GSTA1: variants seen among roughly 807,000 people sequenced by gnomAD.
GSTA1 encodes the protein glutathione S-transferase A1.
A neutral mutation model predicts 21.5 loss-of-function variants in GSTA1; 23 were observed. The observed-to-expected ratio is 1.07, with a 90% CI of 0.77 to 1.52. GSTA1 has a LOEUF of 1.52. Among genes scored for constraint, GSTA1 ranks in the 40% most tolerant of loss-of-function variants. The probability of loss-of-function intolerance (pLI) is 0.00; values close to 1 mark genes in which losing one functional copy is unlikely to be tolerated. For missense variants in GSTA1, 301 were observed against 264.2 expected (o/e 1.14, Z -0.96); for synonymous variants, 125 against 90.0 (o/e 1.39, Z -2.20).
chr6:52,799,040 C>T, intron 2 of GSTA1, 141 bp downstream of exon 2: 1 of 774,044 alleles, frequency 1.3e-6, no homozygotes, highest in East Asian at 2.6e-5. Context: ...TAGGTCAAAT[C>T]TGTTCATCTT....
chr6:52,794,364 A>G, intron 4 of GSTA1, 98 bp from the exon 5 acceptor site: 1 of 1,205,246 alleles, frequency 8.3e-7, no homozygotes, highest in South Asian at 1.5e-5. Context: ...TGATGGCAAA[A>G]TAATTCACCT....
chr6:52,794,318 T>C (rs576640043), intron 4 of GSTA1, 52 bp from the exon 5 acceptor site: 12 of 1,561,398 alleles, frequency 7.7e-6, no homozygotes, highest in South Asian at 2.4e-5. Context: ...TTAGATTTTA[T>C]AGGTTTATAA....
intron 6 of GSTA1, 63 bp from the exon 7 acceptor site, chr6:52,792,043 C>T: frequency 6.2e-7 from 1 of 1,602,040 alleles, no homozygotes; most frequent in Non-Finnish European, 8.5e-7. Flanking sequence ...TTAACATGAC[C>T]CAGGGAATCT....
intron 1 of GSTA1, among the ~76,000 whole-genome samples, chr6:52,799,521 C>T (rs1306566653): frequency 2.6e-5 from 4 of 152,114 alleles, no homozygotes; most frequent in African/African-American, 9.7e-5. Flanking sequence ...CTAACTGTGA[C>T]TTTTCTTGGC....
chr6:52,796,487 A>ATGTGTGTG (rs1561912789), intron 3 of GSTA1, among the ~76,000 whole-genome samples, 173 bp from the exon 4 acceptor site: 1 of 5,140 alleles, frequency 1.9e-4, no homozygotes, highest in African/African-American at 9.3e-4. Flanking sequence ...ATATATATAT[A>ATGTGTGTG]TATGTGTGTG....
At chr6:52,799,953 C>T (rs1464485428) in intron 1 of GSTA1, among the ~76,000 whole-genome samples, 4 of 152,180 alleles carry the variant, frequency 2.6e-5, no homozygotes, top group Non-Finnish European at 5.9e-5. Flanking sequence ...TTGATCAAAA[C>T]CAGAAATTAG....
At chr6:52,801,465 G>A (rs1422433460) in intron 1 of GSTA1, among the ~76,000 whole-genome samples, 1 of 152,218 alleles carries the variant, frequency 6.6e-6, no homozygotes, top group Non-Finnish European at 1.5e-5. Context: ...GGGTATGCTT[G>A]TTTAATTGTT....
intron 1 of GSTA1, among the ~76,000 whole-genome samples, chr6:52,800,882 T>A (rs1763699822): frequency 6.6e-6 from 1 of 152,184 alleles, no homozygotes. Flanking sequence ...TGTATTTATT[T>A]ATTTATTATT....
chr6:52,800,892 T>G (rs1298000619), intron 1 of GSTA1, among the ~76,000 whole-genome samples: 6 of 152,306 alleles, frequency 3.9e-5, no homozygotes, highest in East Asian at 3.9e-4. Flanking sequence ...TATTTATTAT[T>G]AATTTTGAGA....
At chr6:52,792,749 A>C (rs758685012) in intron 6 of GSTA1, 107 bp downstream of exon 6, 3 of 1,610,234 alleles carry the variant, frequency 1.9e-6, no homozygotes, top group Non-Finnish European at 8.5e-7. Context: ...TGGGGCACTG[A>C]AGGCCTGGAG....
chr6:52,797,981 C>T (rs1168747513), intron 2 of GSTA1, among the ~76,000 whole-genome samples: 1 of 152,156 alleles, frequency 6.6e-6, no homozygotes, highest in Non-Finnish European at 1.5e-5. Flanking sequence ...GCCTGTGTCT[C>T]CAAGTGAGAT....
In GSTA1 at chr6:52,799,214, G is replaced by T; in HGVS notation, c.54C>A (p.Ser18=). The change falls in exon 2 of 7, where the codon TCC becomes TCA. Residue 18 remains serine, a synonymous_variant. Coordinates refer to ENST00000334575, the MANE Select transcript of GSTA1 (RefSeq NM_145740.5). The part of the protein sequence containing the change: ...HYFNARGRME[S]TRWLLAAAGV... ...CAGCTGCAGCCAGGAGCCACCGGGT[G>T]GACTCCATTCTGCCCCGTGCATTGA... is the stretch of plus-strand genomic sequence containing the variant. The T allele has an allele frequency of 6.2e-7, 1 of 1,613,936 alleles. No homozygotes were observed. Among genetic ancestry groups the T allele is most frequent in the Non-Finnish European group, 8.5e-7 (1 of 1,179,878 alleles).
chr6:52,794,346 G>A, intron 4 of GSTA1, 80 bp from the exon 5 acceptor site: 4 of 1,430,488 alleles, frequency 2.8e-6, no homozygotes, highest in Non-Finnish European at 3.8e-6. Flanking sequence ...AGGGAGTAGA[G>A]TATCAGGTGA....
rs1329374210 is a variant in GSTA1, at chr6:52,791,504, A to G, written c.*354T>C. Among the ~76,000 whole-genome samples, 3 of 152,224 alleles carry G rather than the reference A, an allele frequency of 2.0e-5. No homozygotes were observed. Among genetic ancestry groups the G allele is most frequent in the African/African-American group, 7.2e-5 (3 of 41,464 alleles). ...GCATACCTGAAAATGTCAGAAGTGC[A>G]TTTCTACATTGACATTTTAATAGAT... On this transcript the variant is annotated 3_prime_UTR_variant, in exon 7 of 7. Coordinates refer to ENST00000334575, the MANE Select transcript of GSTA1 (RefSeq NM_145740.5).
At chr6:52,794,327 A>G in intron 4 of GSTA1, 61 bp from the exon 5 acceptor site, 1 of 1,537,352 alleles carries the variant, frequency 6.5e-7, no homozygotes, top group Non-Finnish European at 8.8e-7. Context: ...ATAGGTTTAT[A>G]AAAACCTAAG....
intron 3 of GSTA1, among the ~76,000 whole-genome samples, chr6:52,796,546 T>A (rs1321089512): frequency 0.068 from 6,637 of 97,978 alleles, 928 homozygotes; most frequent in African/African-American, 0.15. Context: ...TATATATATT[T>A]TTTTTTTTTT....
At chr6:52,799,463 C>T (rs1449103284) in intron 1 of GSTA1, among the ~76,000 whole-genome samples, 166 bp from the exon 2 acceptor site, 1 of 152,206 alleles carries the variant, frequency 6.6e-6, no homozygotes, top group Non-Finnish European at 1.5e-5. Context: ...TGTTACCCAG[C>T]AGTGGCCACC....
intron 3 of GSTA1, 49 bp from the exon 4 acceptor site, chr6:52,796,363 C>A (rs577845407): frequency 6.2e-7 from 1 of 1,609,430 alleles, no homozygotes; most frequent in East Asian, 2.2e-5. Context: ...TGAAACCCAC[C>A]CTTTTGGGAT....
intron 4 of GSTA1, 27 bp from the exon 5 acceptor site, chr6:52,794,293 C>G: frequency 1.9e-6 from 3 of 1,596,488 alleles, no homozygotes; most frequent in South Asian, 1.1e-5. Flanking sequence ...ACCAAATGGT[C>G]AAATACCTTT....
Sources: allele counts gnomAD v4.1 joint callset (sites outside exome capture counted in the v4.1 genomes callset), GRCh38; gene constraint gnomAD v4.1.1; transcripts MANE v1.5; gene names NCBI Gene and HGNC (gene_info 2026-07-23, HGNC 2026-07-21).